PDE1C: variants seen among roughly 807,000 people sequenced by gnomAD.
PDE1C encodes dual specificity calcium/calmodulin-dependent 3',5'-cyclic nucleotide phosphodiesterase 1C.
PDE1C carries 62 observed loss-of-function variants against 93.1 expected under a neutral mutation model. That is an observed-to-expected ratio of 0.67 (90% CI 0.54 to 0.82). PDE1C has a LOEUF of 0.82. PDE1C is among the 40% of genes least tolerant of loss of function. PDE1C has a pLI of 0.00. For synonymous variants in PDE1C, 325 were observed against 310.1 expected (o/e 1.05, Z -0.50); for missense variants, 742 against 884.6 (o/e 0.84, Z 2.04).
intron 9 of PDE1C, among the ~76,000 whole-genome samples, chr7:31,842,432 T>G (rs1165656400): frequency 6.6e-6 from 1 of 152,110 alleles, no homozygotes; most frequent in Non-Finnish European, 1.5e-5. Flanking sequence ...TATTTCTTTG[T>G]GGGAATATTT....
intron 7 of PDE1C, among the ~76,000 whole-genome samples, chr7:31,859,495 A>G (rs923385609): frequency 6.6e-6 from 1 of 150,758 alleles, no homozygotes; most frequent in African/African-American, 2.4e-5. Flanking sequence ...ATGATATAAT[A>G]TAATGTTACA....
chr7:31,945,363 C>T (rs1315848439), intron 2 of PDE1C, among the ~76,000 whole-genome samples: 2 of 152,082 alleles, frequency 1.3e-5, no homozygotes, highest in Admixed American at 6.6e-5. Flanking sequence ...GAGTCTCCAA[C>T]CTGTATCATT....
intron 3 of PDE1C, among the ~76,000 whole-genome samples, chr7:32,147,326 A>AAG (rs1237182626): frequency 6.7e-5 from 10 of 149,468 alleles, no homozygotes; most frequent in African/African-American, 2.5e-4. Context: ...GAAAGAAAGA[A>AAG]AGAAAGACGC....
At chr7:31,832,249 T>C (rs1275340369) in intron 11 of PDE1C, among the ~76,000 whole-genome samples, 1 of 152,166 alleles carries the variant, frequency 6.6e-6, no homozygotes, top group African/African-American at 2.4e-5. Flanking sequence ...GTAAGAGATG[T>C]TTGCAAAATA....
chr7:31,840,238 T>C (rs2128772996), intron 9 of PDE1C, among the ~76,000 whole-genome samples: 1 of 152,324 alleles, frequency 6.6e-6, no homozygotes, highest in East Asian at 1.9e-4. Flanking sequence ...GTCAGGCACA[T>C]TTTCATGTAC....
the PDE1C span, among the ~76,000 whole-genome samples, chr7:31,682,566 G>C: frequency 6.6e-6 from 1 of 152,146 alleles, no homozygotes; most frequent in African/African-American, 2.4e-5. Flanking sequence ...CAGTTTGGCA[G>C]TTTCTTATAA....
intron 16 of PDE1C, among the ~76,000 whole-genome samples, chr7:31,805,875 C>A (rs1245531476): frequency 6.6e-6 from 1 of 151,880 alleles, no homozygotes; most frequent in East Asian, 1.9e-4. Flanking sequence ...GGGCTCATTT[C>A]ATTTATTTCC....
intron 1 of PDE1C, among the ~76,000 whole-genome samples, chr7:32,256,991 T>C (rs1809844608): frequency 6.6e-6 from 1 of 152,154 alleles, no homozygotes; most frequent in Non-Finnish European, 1.5e-5. Flanking sequence ...CATCAGTCCA[T>C]CTGTCCATCC....
At chr7:31,935,052 GT>G (rs1044766560) in intron 2 of PDE1C, among the ~76,000 whole-genome samples, 1 of 120,004 alleles carries the variant, frequency 8.3e-6, no homozygotes, top group Non-Finnish European at 2.1e-5. Context: ...TTAACAAATT[GT>G]TTTTATCTTA....
At chr7:31,830,528 G>A (rs567801910) in intron 11 of PDE1C, among the ~76,000 whole-genome samples, 1 of 152,154 alleles carries the variant, frequency 6.6e-6, no homozygotes, top group Non-Finnish European at 1.5e-5. Flanking sequence ...TTGAATAAAT[G>A]AAAAGACTAA....
intron 2 of PDE1C, among the ~76,000 whole-genome samples, chr7:32,018,871 C>T (rs1449710133): frequency 2.0e-5 from 3 of 152,146 alleles, no homozygotes; most frequent in East Asian, 1.9e-4. Flanking sequence ...AATCCCTTGA[C>T]AACTCTGAGC....
chr7:31,739,607 C>G, the PDE1C span, among the ~76,000 whole-genome samples: 1 of 152,176 alleles, frequency 6.6e-6, no homozygotes, highest in Non-Finnish European at 1.5e-5. Flanking sequence ...GGTCACACAG[C>G]TAGCAAGCCA....
the PDE1C span, among the ~76,000 whole-genome samples, chr7:31,646,795 G>T: frequency 3.8e-4 from 58 of 152,280 alleles, no homozygotes; most frequent in Admixed American, 6.5e-4. Context: ...GTTTGAATGG[G>T]TGTGAGGGCC....
chr7:31,710,412 A>G, the PDE1C span, among the ~76,000 whole-genome samples: 1 of 152,178 alleles, frequency 6.6e-6, no homozygotes. Flanking sequence ...CTGAGATCAC[A>G]CAGCCAATTT....
downstream of PDE1C, among the ~76,000 whole-genome samples, chr7:31,749,561 G>A (rs1794076999): frequency 6.6e-6 from 1 of 152,146 alleles, no homozygotes; most frequent in East Asian, 1.9e-4. Context: ...TGGTGTAGGG[G>A]GTGAGAAGTG....
chr7:32,277,992 C>A (rs911209405), intron 1 of PDE1C, among the ~76,000 whole-genome samples: 3 of 151,880 alleles, frequency 2.0e-5, no homozygotes, highest in Admixed American at 6.6e-5. Context: ...CCGGTGATGT[C>A]CTAATGGAAA....
At chr7:32,373,456 G>C (rs541885948) in intron 1 of PDE1C, among the ~76,000 whole-genome samples, 1 of 152,206 alleles carries the variant, frequency 6.6e-6, no homozygotes, top group Non-Finnish European at 1.5e-5. Context: ...GCCTAGAGCA[G>C]GTATAGGGAG....
At chr7:32,058,840 T>C (rs961966020) in intron 1 of PDE1C, among the ~76,000 whole-genome samples, 4 of 152,174 alleles carry the variant, frequency 2.6e-5, no homozygotes, top group African/African-American at 9.7e-5. Flanking sequence ...GAATCTCCTG[T>C]CTTACTAGCT....
intron 1 of PDE1C, among the ~76,000 whole-genome samples, chr7:32,059,314 T>C (rs1794511439): frequency 6.6e-6 from 1 of 152,176 alleles, no homozygotes; most frequent in Non-Finnish European, 1.5e-5. Context: ...TTTTACTCTT[T>C]CTTAGGAGCA....
Sources: allele counts gnomAD v4.1 joint callset (sites outside exome capture counted in the v4.1 genomes callset), GRCh38; gene constraint gnomAD v4.1.1; transcripts MANE v1.5; gene names NCBI Gene and HGNC (gene_info 2026-07-23, HGNC 2026-07-21).